The following ABCC1 variants were observed in gnomAD, a reference collection of about 807,000 sequenced individuals.
The protein encoded by ABCC1 is ATP binding cassette subfamily C member 1 (ABCC1 blood group).
A neutral mutation model predicts 172.9 loss-of-function variants in ABCC1; 83 were observed. That is an observed-to-expected ratio of 0.48 (90% CI 0.40 to 0.58). ABCC1 has a LOEUF of 0.58. ABCC1 is among the 20% of genes least tolerant of loss of function. The pLI, the probability that ABCC1 is intolerant of heterozygous loss-of-function variation, is 0.00. For missense variants in ABCC1, 1,817 were observed against 2,002.7 expected (o/e 0.91, Z 1.77); for synonymous variants, 937 against 825.2 (o/e 1.14, Z -2.32).
chr16:16,124,810 G>C lies in ABCC1; in HGVS notation c.3612G>C (p.Glu1204Asp), dbSNP rs774477276. ...VANRWLAVRL[E>D]CVGNCIVLFA... ...GCAGGTGGCTGGCCGTGCGGCTGGA[G>C]TGTGTGGGCAACTGCATCGTTCTGT... The change falls in exon 25 of 31, where the codon GAG becomes GAC. Residue 1204 changes from glutamate to aspartate, a missense_variant. Around this residue, in one of 3 missense-constraint regions of ABCC1, gnomAD observed 1,412 missense variants for 1,600.3 expected, o/e 0.88. Transcript: ENST00000399410. The C allele has an allele frequency of 2.5e-6, 4 of 1,614,206 alleles. No homozygotes were observed. The highest frequency in any genetic ancestry group is 3.4e-6 in the Non-Finnish European group (4 of 1,180,044).
At position 16,134,335 on chromosome 16, in the gene ABCC1, C is replaced by T. The variant is rs2045829551; in HGVS notation, c.3967-15C>T. ...GCCAGCATTCCCACCACACCTGGGC[C>T]CTTCTGTCCTGCAGGTCGGCATCGT... On this transcript the variant is annotated splice_polypyrimidine_tract_variant and intron_variant, in intron 27 of 30. Coordinates refer to ENST00000399410, the MANE Select transcript of ABCC1 (RefSeq NM_004996.4). The T allele has an allele frequency of 6.2e-7, 1 of 1,613,902 alleles. No homozygotes were observed. Among genetic ancestry groups the T allele is most frequent in the Non-Finnish European group, 8.5e-7 (1 of 1,179,996 alleles).
chr16:16,108,687 C>G (rs921558671), intron 21 of ABCC1, among the ~76,000 whole-genome samples: 1 of 151,728 alleles, frequency 6.6e-6, no homozygotes, highest in African/African-American at 2.4e-5. Context: ...CCTCCACCTC[C>G]CGGATTCAAG....
chr16:16,101,497 T>C (rs1232372157), intron 19 of ABCC1, among the ~76,000 whole-genome samples: 1 of 152,210 alleles, frequency 6.6e-6, no homozygotes, highest in Middle Eastern at 3.2e-3. Flanking sequence ...TTTTGCATTT[T>C]TGAGCTCTGC....
intron 30 of ABCC1, 110 bp downstream of exon 30, chr16:16,138,668 C>G: frequency 1.2e-6 from 1 of 841,720 alleles, no homozygotes; most frequent in Non-Finnish European, 1.6e-6. Flanking sequence ...TAGTGACAGC[C>G]CCAGTGGGTG....
chr16:16,074,311 G>T (rs535494600), intron 14 of ABCC1, among the ~76,000 whole-genome samples: 1 of 152,112 alleles, frequency 6.6e-6, no homozygotes, highest in African/African-American at 2.4e-5. Flanking sequence ...GTGGATGCTG[G>T]ACTCTTCCTC....
rs148761208 is a variant in ABCC1 at position 16,033,773 on chromosome 16, G to A, written c.677+603G>A. 9.4e-4 allele frequency among the ~76,000 whole-genome samples: 143 copies of A among 151,502 alleles called. 1 individual carries two copies. The highest frequency in any genetic ancestry group is 3.3e-3 in the African/African-American group (138 of 41,362). On this transcript the variant is annotated intron_variant, in intron 6 of 30. Coordinates refer to ENST00000399410, the MANE Select transcript of ABCC1 (RefSeq NM_004996.4). ...CAGGTAGCTGGGATTACAGGCTTGCGCCACCATGCCCGGCTACTTTTTGTA... is the reference window on the plus strand; with the variant it reads ...CAGGTAGCTGGGATTACAGGCTTGCACCACCATGCCCGGCTACTTTTTGTA...
At position 16,085,009 on chromosome 16, in the gene ABCC1, G is replaced by A. The variant is rs993243946; in HGVS notation, c.2292+1467G>A. On this transcript the variant is annotated intron_variant, in intron 17 of 30. Transcript: ENST00000399410. The stretch of plus-strand genomic sequence containing the variant: ...CACAGCAAGCCCATGGGTGGAATTT[G>A]TTGTTATACCTAGGTAATCATTGAG... Among the ~76,000 whole-genome samples, 9 of 152,268 alleles carry A rather than the reference G, an allele frequency of 5.9e-5. No individual in the cohort carries two copies. In the East Asian group the frequency reaches 1.7e-3, roughly 29 times the overall value.
Position 16,007,214 on chromosome 16 carries a change from T to TTTTGTG in ABCC1, c.49-601_49-600insTTGTGT, listed in dbSNP as rs1555480444. On this transcript the variant is annotated intron_variant, in intron 1 of 30. Coordinates refer to ENST00000399410, the MANE Select transcript of ABCC1 (RefSeq NM_004996.4). ...TGGGTTTTTTTGTGTGTATGCACTGTTGTGTGTGTGTGTGTGTGTGTGTGT... is the reference window on the plus strand; with the variant it reads ...TGGGTTTTTTTGTGTGTATGCACTGTTTTGTGTGTGTGTGTGTGTGTGTGTGTGTGT... 1.1e-4 allele frequency among the ~76,000 whole-genome samples: 16 copies of TTTTGTG among 145,868 alleles called. No individual in the cohort carries two copies. In the East Asian group the frequency reaches 2.2e-3, roughly 20 times the overall value.
intron 1 of ABCC1, among the ~76,000 whole-genome samples, chr16:15,974,692 G>A (rs1266206148): frequency 6.6e-6 from 1 of 152,164 alleles, no homozygotes; most frequent in Non-Finnish European, 1.5e-5. Flanking sequence ...TACAGGATGG[G>A]CTAATCGAGA....
intron 1 of ABCC1, among the ~76,000 whole-genome samples, chr16:15,952,234 A>G (rs2045890150): frequency 6.6e-6 from 1 of 152,184 alleles, no homozygotes; most frequent in African/African-American, 2.4e-5. Context: ...TTAGTATTAA[A>G]TATTATTTTT....
At chr16:16,055,108 T>C (rs1400942161) in intron 11 of ABCC1, among the ~76,000 whole-genome samples, 1 of 152,142 alleles carries the variant, frequency 6.6e-6, no homozygotes, top group Admixed American at 6.5e-5. Context: ...CATATGCCTG[T>C]GGTCCCAGAT....
At chr16:15,963,669 A>G (rs1418782180) in intron 1 of ABCC1, among the ~76,000 whole-genome samples, 2 of 152,124 alleles carry the variant, frequency 1.3e-5, no homozygotes, top group Non-Finnish European at 2.9e-5. Context: ...TGAGCTGTGT[A>G]CCTTGGCTCC....
rs144952654 is a variant in ABCC1 at position 16,132,374 on chromosome 16, A to T, written c.3966+439A>T. 6.7e-3 allele frequency among the ~76,000 whole-genome samples: 1,009 copies of T among 150,644 alleles called. 13 individuals are homozygous for T. Among genetic ancestry groups the T allele is most frequent in the African/African-American group, 0.023 (940 of 41,008 alleles). On this transcript the variant is annotated intron_variant, in intron 27 of 30. Coordinates refer to ENST00000399410, the MANE Select transcript of ABCC1 (RefSeq NM_004996.4). ...TTTTTGTAGAGATGGGGGTCCTACT[A>T]TGTTGTCCAGGCTGATCTGGAACTC...
Position 16,115,002 on chromosome 16 carries a change from A to T in ABCC1, c.3316A>T (p.Ile1106Phe), listed in dbSNP as rs766080836. ...GSLFNVIGAC[I>F]VILLATPIAA... ...CCTGTTCAACGTCATTGGTGCCTGC[A>T]TCGTTATCCTGCTGGCCACGCCCAT... Residue 1106 changes from isoleucine to phenylalanine, a missense_variant, in exon 23 of 31, where the codon ATC (isoleucine) becomes TTC (phenylalanine). Transcript: ENST00000399410. The T allele has an allele frequency of 9.3e-6, 15 of 1,614,198 alleles. No individual in the cohort carries two copies. The highest frequency in any genetic ancestry group is 1.0e-5 in the Non-Finnish European group (12 of 1,180,036).
chr16:16,056,691 A>G (rs139136818), intron 12 of ABCC1: 8 of 216,826 alleles, frequency 3.7e-5, no homozygotes, highest in Admixed American at 2.6e-4. Context: ...AAAAGTCACT[A>G]TGTCAGCAAG....
chr16:15,976,473 T>C (rs2046493845), intron 1 of ABCC1, among the ~76,000 whole-genome samples: 1 of 152,108 alleles, frequency 6.6e-6, no homozygotes, highest in Non-Finnish European at 1.5e-5. Context: ...AGCTAGTAAA[T>C]GACAGGACTA....
At chr16:16,045,474 T>C (rs776171507) in intron 8 of ABCC1, among the ~76,000 whole-genome samples, 21 of 151,076 alleles carry the variant, frequency 1.4e-4, no homozygotes, top group Non-Finnish European at 2.2e-4. Flanking sequence ...AGAAAGGAAG[T>C]TGCCTCTCTC....
intron 21 of ABCC1, among the ~76,000 whole-genome samples, chr16:16,109,909 A>C (rs2052311419): frequency 6.6e-6 from 1 of 152,084 alleles, no homozygotes; most frequent in Non-Finnish European, 1.5e-5. Context: ...TCCTGACCCG[A>C]GTCTCCCATG....
intron 1 of ABCC1, 109 bp downstream of exon 1, chr16:15,949,908 G>T (rs999350755): frequency 1.0e-6 from 1 of 962,510 alleles, no homozygotes; most frequent in Admixed American, 5.0e-5. Flanking sequence ...CTCTGCTGCC[G>T]GCCTCGGGGG....
Sources: gnomAD v4.1 joint callset for allele counts (sites outside exome capture counted in the v4.1 genomes callset) on GRCh38, gnomAD v4.1.1 for gene constraint, gnomAD v4.1.1 regional missense constraint, MANE v1.5 for transcripts, NCBI Gene and HGNC (gene_info 2026-07-23, HGNC 2026-07-21) for gene names.